Variants in RANBP2 observed in about 807,000 individuals in gnomAD.
RANBP2 encodes the protein RAN binding protein 2.
RANBP2 carries 57 observed loss-of-function variants against 303.6 expected under a neutral mutation model. The observed-to-expected ratio is 0.19, with a 90% CI of 0.15 to 0.23. The LOEUF is 0.23. Ranked by LOEUF, RANBP2 falls within the 10% of genes least tolerant of loss-of-function variation. The pLI, the probability that RANBP2 is intolerant of heterozygous loss-of-function variation, is 1.00. For missense variants in RANBP2, 3,138 were observed against 3,780.8 expected (o/e 0.83, Z 4.46); for synonymous variants, 1,167 against 1,301.5 (o/e 0.90, Z 2.23).
At chr2:109,499,898 G>T in the RANBP2 span, among the ~76,000 whole-genome samples, 2 of 152,160 alleles carry the variant, frequency 1.3e-5, no homozygotes, top group African/African-American at 4.8e-5. Flanking sequence ...CTGAGCTCAG[G>T]TTCAATTGGC....
At chr2:109,616,075 T>C in the RANBP2 span, 1 of 1,497,356 alleles carries the variant, frequency 6.7e-7, no homozygotes, top group East Asian at 2.3e-5. Context: ...TAAAAATTGC[T>C]TCTTTTAGAA....
At chr2:108,783,213 C>T (rs898140787) in intron 28 of RANBP2, among the ~76,000 whole-genome samples, 12 of 151,246 alleles carry the variant, frequency 7.9e-5, no homozygotes, top group African/African-American at 2.4e-4. Flanking sequence ...TGGTGGTGTG[C>T]GTCTGTGATC....
At chr2:108,846,476 C>T in the RANBP2 span, among the ~76,000 whole-genome samples, 8 of 150,446 alleles carry the variant, frequency 5.3e-5, no homozygotes, top group South Asian at 2.1e-4. Flanking sequence ...CCCAAGAGTT[C>T]GAGACCAGCC....
the RANBP2 span, among the ~76,000 whole-genome samples, chr2:109,140,066 G>A: frequency 3.0e-4 from 46 of 152,330 alleles, no homozygotes; most frequent in Non-Finnish European, 1.5e-5. Flanking sequence ...GGGGTGAAGA[G>A]GACAGGTCTG....
the RANBP2 span, among the ~76,000 whole-genome samples, chr2:109,479,157 G>A: frequency 1.7e-3 from 261 of 152,302 alleles, 1 homozygote; most frequent in Middle Eastern, 0.031. Flanking sequence ...ACTGGGTTCC[G>A]AGAGTGAGTG....
the RANBP2 span, among the ~76,000 whole-genome samples, chr2:108,942,671 G>A: frequency 6.6e-6 from 1 of 152,258 alleles, no homozygotes; most frequent in Non-Finnish European, 1.5e-5. Context: ...GACGGCGGGA[G>A]CCCTGCGGTT....
the RANBP2 span, among the ~76,000 whole-genome samples, chr2:109,189,612 C>T: frequency 6.6e-6 from 1 of 152,026 alleles, no homozygotes; most frequent in Non-Finnish European, 1.5e-5. Context: ...CATGATCTTC[C>T]CTCCTTGGCC....
the RANBP2 span, among the ~76,000 whole-genome samples, chr2:109,629,347 ATATATATATTTT>A: frequency 1.6e-4 from 1 of 6,310 alleles, no homozygotes; most frequent in Non-Finnish European, 3.4e-4. Flanking sequence ...ATATATATAT[ATATATATATTTT>A]TTTTTTTTTT....
the RANBP2 span, among the ~76,000 whole-genome samples, chr2:109,327,560 C>T: frequency 3.3e-5 from 5 of 152,192 alleles, no homozygotes; most frequent in Non-Finnish European, 7.4e-5. Flanking sequence ...AACTATACAT[C>T]AAGTTGGGAG....
the RANBP2 span, among the ~76,000 whole-genome samples, chr2:109,289,160 C>T: frequency 2.0e-5 from 3 of 152,132 alleles, no homozygotes; most frequent in African/African-American, 7.2e-5. Context: ...CCTCCTCCAT[C>T]CCCTGTCTCT....
chr2:109,603,504 G>A, the RANBP2 span, among the ~76,000 whole-genome samples: 2 of 152,044 alleles, frequency 1.3e-5, no homozygotes, highest in Admixed American at 1.3e-4. Context: ...CTCCCAAAGA[G>A]CTGGGATTAC....
intron 4 of RANBP2, among the ~76,000 whole-genome samples, chr2:108,734,797 G>A (rs773850160): frequency 7.0e-4 from 107 of 152,150 alleles, no homozygotes; most frequent in African/African-American, 2.5e-3. Flanking sequence ...CAAGTGGATG[G>A]TTGAGGTTCG....
the RANBP2 span, among the ~76,000 whole-genome samples, chr2:109,538,779 A>G: frequency 6.6e-6 from 1 of 152,172 alleles, no homozygotes; most frequent in Non-Finnish European, 1.5e-5. Flanking sequence ...TCAGATTCCC[A>G]AAGTGCTGGA....
chr2:108,782,346 A>T lies in RANBP2; in HGVS notation c.8979A>T (p.Leu2993Phe), dbSNP rs1364247902. 6.2e-7 allele frequency: 1 copy of T among 1,614,196 alleles called. No homozygotes were observed. The highest frequency in any genetic ancestry group is 2.2e-5 in the East Asian group (1 of 44,878). The change falls in exon 27 of 29, where the codon TTA becomes TTT. Residue 2993 changes from leucine (L) to phenylalanine (F), a missense_variant. By Grantham distance (22) the Leu-to-Phe change is conservative. This residue lies in a region of RANBP2 where 204 missense variants were observed against 228.4 expected (regional missense o/e 0.89). Coordinates refer to ENST00000283195, the MANE Select transcript of RANBP2 (RefSeq NM_006267.5). ...ANHVITKTME[L>F]KPLNVSNNAL... ...ACGTTATTACTAAAACAATGGAATT[A>T]AAGCCCTTAAATGTTTCAAATAATG...
chr2:109,326,873 G>A, the RANBP2 span, among the ~76,000 whole-genome samples: 2 of 152,196 alleles, frequency 1.3e-5, no homozygotes, highest in Non-Finnish European at 2.9e-5. Context: ...GTGTTCCCCA[G>A]CAGGTGAGGG....
At chr2:109,009,224 C>T in the RANBP2 span, among the ~76,000 whole-genome samples, 2 of 151,880 alleles carry the variant, frequency 1.3e-5, no homozygotes, top group East Asian at 3.9e-4. Context: ...CCTGTAGTCC[C>T]AGTTACTCTG....
At chr2:109,486,738 G>A in the RANBP2 span, among the ~76,000 whole-genome samples, 1 of 152,134 alleles carries the variant, frequency 6.6e-6, no homozygotes, top group Non-Finnish European at 1.5e-5. Flanking sequence ...AAGGGGAGGG[G>A]GAAGCTGGGC....
the RANBP2 span, among the ~76,000 whole-genome samples, chr2:108,906,147 C>A: frequency 6.6e-6 from 1 of 152,188 alleles, no homozygotes; most frequent in Non-Finnish European, 1.5e-5. Flanking sequence ...ATTCTGTTTC[C>A]CCACACCTGA....
the RANBP2 span, among the ~76,000 whole-genome samples, chr2:109,326,705 G>T: frequency 9.7e-4 from 147 of 152,326 alleles, 1 homozygote; most frequent in Non-Finnish European, 1.6e-3. Flanking sequence ...ATCTGTTCTT[G>T]AAGATAGATG....
Sources: allele counts gnomAD v4.1 joint callset (sites outside exome capture counted in the v4.1 genomes callset), GRCh38; gene constraint gnomAD v4.1.1; regional missense constraint gnomAD v4.1.1; transcripts MANE v1.5; gene names NCBI Gene and HGNC (gene_info 2026-07-23, HGNC 2026-07-21).